The following ZNF221 variants were observed in gnomAD, a reference collection of about 807,000 sequenced individuals.
The protein encoded by ZNF221 is zinc finger protein 221.
ZNF221 carries 10 observed loss-of-function variants against 12.6 expected under a neutral mutation model. The observed-to-expected ratio is 0.79, with a 90% CI of 0.49 to 1.34. The LOEUF (loss-of-function observed/expected upper bound fraction) is 1.34, where lower values mean the gene tolerates loss of function less well. Among genes scored for constraint, ZNF221 ranks in the 40% most tolerant of loss-of-function variants. The pLI, the probability that ZNF221 is intolerant of heterozygous loss-of-function variation, is 0.00. For missense variants in ZNF221, 661 were observed against 721.4 expected, an observed-to-expected ratio of 0.92 and a Z score of 0.96; for synonymous variants, 232 against 244.0, an observed-to-expected ratio of 0.95 and a Z score of 0.46.
intron 1 of ZNF221, among the ~76,000 whole-genome samples, chr19:43,952,857 C>T (rs745742222): frequency 3.3e-5 from 5 of 152,044 alleles, no homozygotes; most frequent in Non-Finnish European, 7.4e-5. Context: ...AGAACCATAT[C>T]ATTATGGAGC....
Position 43,962,827 on chromosome 19 carries a change from CT to C in ZNF221, c.81+22del. Reference sequence around the variant, plus strand: ...TTCAAAGTGAGTAGGGCTTGCCTCTCTTGCTGTTAAAATTCCATCTTACTAC... The same window carrying C: ...TTCAAAGTGAGTAGGGCTTGCCTCTCTGCTGTTAAAATTCCATCTTACTAC... On this transcript the variant is annotated intron_variant, in intron 2 of 4. Transcript: ENST00000587682. The C allele has an allele frequency of 1.9e-6, 3 of 1,604,402 alleles. No homozygotes were observed. Among genetic ancestry groups the C allele is most frequent in the Non-Finnish European group, 2.6e-6 (3 of 1,172,908 alleles).
At chr19:43,974,096 C>A in the ZNF221 span, among the ~76,000 whole-genome samples, 1 of 152,070 alleles carries the variant, frequency 6.6e-6, no homozygotes, top group African/African-American at 2.4e-5. Flanking sequence ...GAAATAAGAC[C>A]ACACACCTAC....
At chr19:43,956,568 C>T (rs534006148) in intron 1 of ZNF221, among the ~76,000 whole-genome samples, 542 of 14,674 alleles carry the variant, frequency 0.037, 5 homozygotes, top group African/African-American at 0.039. Context: ...AGGACCCTGG[C>T]TCTTGTCAAT....
the ZNF221 span, chr19:43,978,812 A>C: frequency 1.3e-5 from 2 of 152,078 alleles, no homozygotes; most frequent in Non-Finnish European, 2.9e-5. Context: ...GAATTATTGC[A>C]GAGTCTCAAT....
At chr19:43,955,286 C>T (rs1974737522) in intron 1 of ZNF221, among the ~76,000 whole-genome samples, 1 of 152,154 alleles carries the variant, frequency 6.6e-6, no homozygotes, top group Non-Finnish European at 1.5e-5. Context: ...TCACAGCCAT[C>T]TTCACTGTGT....
At chr19:43,977,506 T>C in the ZNF221 span, 11 of 152,192 alleles carry the variant, frequency 7.2e-5, no homozygotes, top group Non-Finnish European at 1.6e-4. Context: ...TGATTCTGCT[T>C]TAGGCATAAG....
At chr19:43,964,305 C>T (rs1466483196) in intron 2 of ZNF221, among the ~76,000 whole-genome samples, 1 of 152,116 alleles carries the variant, frequency 6.6e-6, no homozygotes, top group Non-Finnish European at 1.5e-5. Flanking sequence ...AGACAGGAAA[C>T]TAATGCATGT....
intron 4 of ZNF221, 25 bp downstream of exon 4, chr19:43,965,350 C>T (rs771317778): frequency 6.3e-7 from 1 of 1,578,020 alleles, no homozygotes; most frequent in African/African-American, 1.4e-5. Flanking sequence ...ACTGTGCATC[C>T]TTGTACATGA....
Position 43,966,578 on chromosome 19 carries a change from T to C in ZNF221, c.1076T>C (p.Val359Ala), listed in dbSNP as rs1599820244. Residue 359 changes from valine (V) to alanine (A), a missense_variant, in exon 5 of 5, where the codon GTC (valine) becomes GCC (alanine). Coordinates refer to ENST00000587682, the MANE Select transcript of ZNF221 (RefSeq NM_001297588.2). ...TCAGCACTTAATAGTCATTCCATGG[T>C]CCACATAGAAGAGAAGCCATACAAA... ...QRSALNSHSM[V>A]HIEEKPYKCE... is the part of the protein sequence containing the mutation. The C allele has an allele frequency of 6.2e-7, 1 of 1,614,144 alleles. No homozygotes were observed. The highest frequency in any genetic ancestry group is 8.5e-7 in the Non-Finnish European group (1 of 1,180,014).
At chr19:43,957,958 T>G (rs1974782121) in intron 1 of ZNF221, among the ~76,000 whole-genome samples, 1 of 152,242 alleles carries the variant, frequency 6.6e-6, no homozygotes. Context: ...CAGGGGCTTA[T>G]AAATGTTTAC....
chr19:43,977,459 G>A, the ZNF221 span: 1 of 152,232 alleles, frequency 6.6e-6, no homozygotes, highest in African/African-American at 2.4e-5. Context: ...TATACAGATT[G>A]ATGAGTGTGG....
In ZNF221 at chr19:43,965,918, C is replaced by T. The variant is rs1314216731; in HGVS notation, c.416C>T (p.Ser139Phe). 8 of 1,614,092 alleles carry T rather than the reference C, an allele frequency of 5.0e-6. No individual in the cohort carries two copies. Among genetic ancestry groups the T allele is most frequent in the Non-Finnish European group, 6.8e-6 (8 of 1,180,046 alleles). Residue 139 changes from serine to phenylalanine, a missense_variant, in exon 5 of 5, where the codon TCC becomes TTC. Physicochemically the swap from Ser to Phe is radical, Grantham distance 155. Coordinates refer to ENST00000587682, the MANE Select transcript of ZNF221 (RefSeq NM_001297588.2). ...IASDLTRSQN[S>F]IRNSSQFFKE... ...AGTGACCTAACCAGGTCTCAAAACTCCATAAGGAACAGCTCTCAGTTCTTC... is the reference window on the plus strand; with the variant it reads ...AGTGACCTAACCAGGTCTCAAAACTTCATAAGGAACAGCTCTCAGTTCTTC...
At chr19:43,956,564 C>G (rs1195893662) in intron 1 of ZNF221, among the ~76,000 whole-genome samples, 1 of 7,624 alleles carries the variant, frequency 1.3e-4, no homozygotes, top group Non-Finnish European at 7.5e-3. Flanking sequence ...CCAAAGGACC[C>G]TGGCTCTTGT....
At chr19:43,954,989 ACAAT>A (rs1974732926) in intron 1 of ZNF221, among the ~76,000 whole-genome samples, 1 of 152,054 alleles carries the variant, frequency 6.6e-6, no homozygotes, top group Non-Finnish European at 1.5e-5. Context: ...TTTGTTTTAG[ACAAT>A]CAATGTTTTA....
rs555952409 is a variant in ZNF221 at position 43,966,913 on chromosome 19, G to A, written c.1411G>A (p.Val471Ile). Residue 471 changes from valine (V) to isoleucine (I), a missense_variant, in exon 5 of 5, where the codon GTC becomes ATC. By Grantham distance (29) the Val-to-Ile change is conservative (BLOSUM62 3). Coordinates refer to ENST00000587682, the MANE Select transcript of ZNF221 (RefSeq NM_001297588.2). ...RRLDLEFHQR[V>I]HTGERPYNCK... The stretch of plus-strand genomic sequence containing the variant: ...GTTGGATCTTGAGTTTCACCAGAGG[G>A]TCCACACGGGTGAGAGACCCTATAA... The A allele has an allele frequency of 6.2e-6, 10 of 1,614,108 alleles. No homozygotes were observed. Among genetic ancestry groups the A allele is most frequent in the Non-Finnish European group, 8.5e-6 (10 of 1,180,040 alleles).
chr19:43,951,606 C>G (rs1974671670), intron 1 of ZNF221, among the ~76,000 whole-genome samples: 1 of 152,202 alleles, frequency 6.6e-6, no homozygotes, highest in South Asian at 2.1e-4. Flanking sequence ...GTTACTTAAT[C>G]TCCCTGGGAC....
In ZNF221 at chr19:43,966,456, C is replaced by A. The variant is rs767017247; in HGVS notation, c.954C>A (p.Ser318Arg). The A allele has an allele frequency of 6.2e-7, 1 of 1,613,962 alleles. No individual in the cohort carries two copies. Residue 318 changes from serine to arginine, a missense_variant, in exon 5 of 5, where the codon AGC becomes AGA. Physicochemically the swap from Ser to Arg is moderately radical, Grantham distance 110 (BLOSUM62 -1). Transcript: ENST00000587682. ...KPFKCDICGK[S>R]FRVRSRLNRH... ...TCAAATGTGATATATGTGGTAAGAG[C>A]TTCCGTGTTAGATCAAGACTTAATA... is the stretch of plus-strand genomic sequence containing the variant.
At chr19:43,978,938 T>G in the ZNF221 span, among the ~76,000 whole-genome samples, 31,228 of 123,876 alleles carry the variant, frequency 0.25, 3,299 homozygotes, top group Middle Eastern at 0.28. Context: ...TGTGTGTTTT[T>G]TTTTTTTTTT....
In ZNF221 at chr19:43,951,233, C is replaced by T. The variant is rs1246695926; in HGVS notation, c.-170C>T. The stretch of plus-strand genomic sequence containing the variant: ...AATTCTGGGAAATGTAGTCCAGACG[C>T]TCTGTGGAGTCGCGGGAGCTACGGC... On this transcript the variant is annotated 5_prime_UTR_variant, in exon 1 of 5. Coordinates refer to ENST00000587682, the MANE Select transcript of ZNF221 (RefSeq NM_001297588.2). The T allele has an allele frequency of 1.3e-5, 2 of 152,376 alleles. No individual in the cohort carries two copies. Among genetic ancestry groups the T allele is most frequent in the East Asian group, 3.9e-4 (2 of 5,188 alleles). 9.4% of individuals were successfully genotyped at this position (152,376 alleles called of 1,614,324 possible).
Sources: allele counts gnomAD v4.1 joint callset (sites outside exome capture counted in the v4.1 genomes callset), GRCh38; gene constraint gnomAD v4.1.1; transcripts MANE v1.5; gene names NCBI Gene and HGNC (gene_info 2026-07-23, HGNC 2026-07-21).